ZBTB7C: variants seen among roughly 807,000 people sequenced by gnomAD.
ZBTB7C encodes zinc finger and BTB domain containing 7C.
Under a neutral mutation model 25.7 loss-of-function variants are expected in ZBTB7C, and 8 were observed. The ratio of observed to expected loss-of-function variants is 0.31; its 90% CI spans 0.18 to 0.56. The LOEUF (loss-of-function observed/expected upper bound fraction) is 0.56. ZBTB7C is among the 20% of genes least tolerant of loss of function. The pLI is 0.91. For missense variants in ZBTB7C, 824 were observed against 855.2 expected, an observed-to-expected ratio of 0.96 and a Z score of 0.46; for synonymous variants, 394 against 369.0, an observed-to-expected ratio of 1.07 and a Z score of -0.78.
intron 1 of ZBTB7C, among the ~76,000 whole-genome samples, chr18:48,386,425 T>TA (rs58403415): frequency 6.6e-6 from 1 of 152,040 alleles, no homozygotes; most frequent in Non-Finnish European, 1.5e-5. Flanking sequence ...AGTACAGTGC[T>TA]TACCCTAGAC....
rs116014157 is a variant in ZBTB7C at position 48,327,227 on chromosome 18, T to C, written c.-79+10947A>G. On this transcript the variant is annotated intron_variant, in intron 2 of 4. Coordinates refer to ENST00000590800, the MANE Select transcript of ZBTB7C (RefSeq NM_001318841.2). ...AATCAGGCCAGTTCCACTCGAGGCC[T>C]GCCCTTCTCTGGAGGGCTATGCCCA... Among the ~76,000 whole-genome samples, 716 of 152,288 alleles carry C rather than the reference T, an allele frequency of 4.7e-3. 4 individuals carry two copies. The highest frequency in any genetic ancestry group is 0.016 in the African/African-American group (672 of 41,544).
chr18:48,328,904 G>A (rs1389954430), intron 2 of ZBTB7C, among the ~76,000 whole-genome samples: 4 of 152,140 alleles, frequency 2.6e-5, no homozygotes, highest in Non-Finnish European at 5.9e-5. Flanking sequence ...ATTGACTGAT[G>A]GAAGATTCCA....
chr18:48,290,374 C>T (rs563375556), intron 2 of ZBTB7C, among the ~76,000 whole-genome samples: 1 of 152,226 alleles, frequency 6.6e-6, no homozygotes, highest in Non-Finnish European at 1.5e-5. Context: ...GCCAAAGCTA[C>T]TGAGGGGTAG....
intron 2 of ZBTB7C, among the ~76,000 whole-genome samples, chr18:48,257,796 A>C (rs2044061970): frequency 1.3e-5 from 2 of 152,204 alleles, no homozygotes; most frequent in Admixed American, 1.3e-4. Flanking sequence ...GAAAAAAAAA[A>C]AACTAGGATC....
intron 2 of ZBTB7C, among the ~76,000 whole-genome samples, chr18:48,235,627 T>C (rs1475543206): frequency 6.6e-6 from 1 of 152,220 alleles, no homozygotes; most frequent in African/African-American, 2.4e-5. Flanking sequence ...ATACATATTT[T>C]AGGAGTTCCT....
chr18:48,202,379 TGAGG>T (rs1252299245), intron 2 of ZBTB7C, among the ~76,000 whole-genome samples: 3 of 144,308 alleles, frequency 2.1e-5, no homozygotes, highest in Non-Finnish European at 4.5e-5. Flanking sequence ...GGGCAAGGAT[TGAGG>T]GAGGGAGGGA....
intron 3 of ZBTB7C, among the ~76,000 whole-genome samples, chr18:48,125,478 G>C (rs1372082475): frequency 6.6e-6 from 1 of 152,210 alleles, no homozygotes; most frequent in Non-Finnish European, 1.5e-5. Context: ...CCCTTAATGG[G>C]GTGCATGGAC....
intron 1 of ZBTB7C, chr18:48,374,168 C>T (rs575241512): frequency 6.6e-6 from 1 of 152,404 alleles, no homozygotes; most frequent in South Asian, 2.1e-4. Flanking sequence ...TTATAACTTA[C>T]CCAGTCTCAG....
At chr18:48,370,634 TA>T (rs2047366887) in intron 1 of ZBTB7C, among the ~76,000 whole-genome samples, 1 of 152,076 alleles carries the variant, frequency 6.6e-6, no homozygotes, top group African/African-American at 2.4e-5. Context: ...AATCTACAAT[TA>T]TTGCAAAATA....
intron 3 of ZBTB7C, among the ~76,000 whole-genome samples, chr18:48,159,475 C>A (rs2040936069): frequency 6.6e-6 from 1 of 152,172 alleles, no homozygotes; most frequent in African/African-American, 2.4e-5. Flanking sequence ...GGTCAAAATT[C>A]ATCATCACAA....
intron 3 of ZBTB7C, chr18:48,162,493 A>G: frequency 1.9e-5 from 8 of 431,450 alleles, no homozygotes; most frequent in South Asian, 1.3e-4. Context: ...TGTTACTATT[A>G]TTACCTCTTC....
intron 2 of ZBTB7C, among the ~76,000 whole-genome samples, chr18:48,336,368 T>G (rs1229549529): frequency 6.6e-6 from 1 of 152,244 alleles, no homozygotes; most frequent in Non-Finnish European, 1.5e-5. Context: ...GGAAACAAGC[T>G]ACATGTACCG....
chr18:48,135,744 C>G (rs116702813), intron 3 of ZBTB7C, among the ~76,000 whole-genome samples: 5 of 152,304 alleles, frequency 3.3e-5, no homozygotes, highest in African/African-American at 1.2e-4. Flanking sequence ...TCCAAGCCAG[C>G]GCGCCCCTCC....
Position 48,408,102 on chromosome 18 carries a change from G to C in ZBTB7C, c.-304+1124C>G, listed in dbSNP as rs762492814. ...AAACTCCGGCTCTAGCCTTGCGCAT[G>C]GTCCAGCGAGACTTCCCATACAGGC... On this transcript the variant is annotated intron_variant, in intron 1 of 4. Coordinates refer to ENST00000590800, the MANE Select transcript of ZBTB7C (RefSeq NM_001318841.2). Among the ~76,000 whole-genome samples the C allele has an allele frequency of 5.3e-5, 8 of 152,194 alleles. No homozygotes were observed. In the East Asian group the frequency reaches 1.5e-3, roughly 29 times the overall value.
intron 1 of ZBTB7C, among the ~76,000 whole-genome samples, chr18:48,364,447 A>G (rs2047179405): frequency 6.6e-6 from 1 of 152,162 alleles, no homozygotes; most frequent in Non-Finnish European, 1.5e-5. Context: ...TTATGCAAAG[A>G]GTACAGGAAA....
intron 3 of ZBTB7C, among the ~76,000 whole-genome samples, chr18:48,057,050 C>CAAA (rs11380205): frequency 0.019 from 1,240 of 64,220 alleles, 32 homozygotes; most frequent in African/African-American, 0.066. Context: ...GAAAAATTGT[C>CAAA]AAAAAAAAAA....
chr18:48,029,439 G>T lies in ZBTB7C; in HGVS notation c.1681C>A (p.Arg561Ser), dbSNP rs775360190. ...FEETQMKLFGRAQLEAERNAG... is the reference protein window; with the variant it reads ...FEETQMKLFGSAQLEAERNAG... Reference sequence around the variant, plus strand: ...TTCCTCTCAGCCTCCAGCTGCGCGCGCCCGAACAGCTTCATCTGTGTCTCC... The same window carrying T: ...TTCCTCTCAGCCTCCAGCTGCGCGCTCCCGAACAGCTTCATCTGTGTCTCC... Residue 561 changes from arginine to serine, a missense_variant, in exon 5 of 5, where the codon CGC (arginine) becomes AGC (serine). Around this residue, in one of 4 missense-constraint regions of ZBTB7C, gnomAD observed 342 missense variants for 307.0 expected, o/e 1.11. Transcript: ENST00000590800. 6.9e-6 allele frequency: 11 copies of T among 1,593,160 alleles called. No homozygotes were observed. The highest frequency in any genetic ancestry group is 1.4e-5 in the African/African-American group (1 of 73,540).
At chr18:48,119,828 G>C (rs1159983316) in intron 3 of ZBTB7C, among the ~76,000 whole-genome samples, 1 of 152,178 alleles carries the variant, frequency 6.6e-6, no homozygotes, top group Non-Finnish European at 1.5e-5. Context: ...CAGCCCTCCA[G>C]AGAAAATGAA....
At chr18:48,293,914 A>T (rs1011594930) in intron 2 of ZBTB7C, among the ~76,000 whole-genome samples, 1 of 152,262 alleles carries the variant, frequency 6.6e-6, no homozygotes, top group Non-Finnish European at 1.5e-5. Context: ...CACGATGCCC[A>T]GCCTTTCAAC....
Sources: gnomAD v4.1 joint callset for allele counts (sites outside exome capture counted in the v4.1 genomes callset) on GRCh38, gnomAD v4.1.1 for gene constraint, gnomAD v4.1.1 regional missense constraint, MANE v1.5 for transcripts, NCBI Gene and HGNC (gene_info 2026-07-23, HGNC 2026-07-21) for gene names.